CDH18: variants seen among roughly 807,000 people sequenced by gnomAD.
CDH18 encodes the protein cadherin-18.
CDH18 carries 31 observed loss-of-function variants against 67.9 expected under a neutral mutation model. The observed-to-expected ratio is 0.46, with a 90% CI of 0.34 to 0.62. CDH18 has a LOEUF of 0.62. Among genes scored for constraint, CDH18 ranks in the 20% least tolerant of loss-of-function variants. CDH18 has a pLI of 0.01. For missense variants in CDH18, 890 were observed against 975.5 expected, an observed-to-expected ratio of 0.91 and a Z score of 1.17; for synonymous variants, 362 against 347.2, an observed-to-expected ratio of 1.04 and a Z score of -0.48.
At chr5:20,256,194 C>G (rs1248156562) in intron 1 of CDH18, among the ~76,000 whole-genome samples, 1 of 151,780 alleles carries the variant, frequency 6.6e-6, no homozygotes, top group Non-Finnish European at 1.5e-5. Context: ...CAACATAATG[C>G]TCATTGGATC....
intron 1 of CDH18, among the ~76,000 whole-genome samples, chr5:20,460,168 G>A (rs1357833371): frequency 6.6e-6 from 1 of 152,058 alleles, no homozygotes; most frequent in Admixed American, 6.6e-5. Context: ...GCCGAGGTGG[G>A]TGGATCACGA....
chr5:20,242,736 C>T (rs1743086454), intron 2 of CDH18, among the ~76,000 whole-genome samples: 1 of 147,752 alleles, frequency 6.8e-6, no homozygotes, highest in African/African-American at 2.5e-5. Flanking sequence ...GTTGTGTTTG[C>T]TTTAAAACCA....
At chr5:19,483,153 T>G in intron 12 of CDH18, 148 bp downstream of exon 12, 1 of 655,104 alleles carries the variant, frequency 1.5e-6, no homozygotes, top group East Asian at 2.6e-5. Context: ...TTGAGATTAA[T>G]GACAGTATTG....
In CDH18 at chr5:19,698,834, T is replaced by C. The variant is rs1053242184; in HGVS notation, c.643+22513A>G. ...GATTACACCATTTAAACTTCAGGAA[T>C]GATCACCATCTCAGGTTTGATTCAA... On this transcript the variant is annotated intron_variant, in intron 5 of 12. Transcript: ENST00000382275. Among the ~76,000 whole-genome samples, 4 of 152,274 alleles carry C rather than the reference T, an allele frequency of 2.6e-5. No individual in the cohort carries two copies. In the South Asian group the frequency reaches 8.3e-4, roughly 32 times the overall value.
At chr5:20,399,247 T>G (rs1169427910) in intron 1 of CDH18, among the ~76,000 whole-genome samples, 1 of 152,128 alleles carries the variant, frequency 6.6e-6, no homozygotes, top group Non-Finnish European at 1.5e-5. Flanking sequence ...CTATCATTGT[T>G]TTTTCTAAAT....
chr5:19,748,112 C>CAAAAAAAAAAAAAAAAAAAAAAAAAAAA lies in CDH18; in HGVS notation c.229-877_229-876insTTTTTTTTTTTTTTTTTTTTTTTTTTTT. Reference sequence around the variant, plus strand: ...TGGGAGACAGAGCGAGACTCCATCTCAAAAAAAAAAAAAAAAAAAAAGAGT... The same window carrying CAAAAAAAAAAAAAAAAAAAAAAAAAAAA: ...TGGGAGACAGAGCGAGACTCCATCTCAAAAAAAAAAAAAAAAAAAAAAAAAAAAAAAAAAAAAAAAAAAAAAAAAGAGT... On this transcript the variant is annotated intron_variant, in intron 3 of 12. Coordinates refer to ENST00000382275, the MANE Select transcript of CDH18 (RefSeq NM_004934.5). 1.5e-3 allele frequency among the ~76,000 whole-genome samples: 22 copies of CAAAAAAAAAAAAAAAAAAAAAAAAAAAA among 14,858 alleles called. 6 individuals carry two copies. The highest frequency in any genetic ancestry group is 2.5e-3 in the African/African-American group (14 of 5,604). The allele number at this position is 14,858 out of a possible 152,430, so 9.7% of individuals were successfully genotyped here.
chr5:20,311,400 C>T (rs966681081), intron 1 of CDH18, among the ~76,000 whole-genome samples: 2 of 152,018 alleles, frequency 1.3e-5, no homozygotes, highest in Non-Finnish European at 2.9e-5. Flanking sequence ...CCAACCCAAA[C>T]GTCCATCAAT....
At chr5:20,356,753 C>CTA (rs35935150) in intron 1 of CDH18, among the ~76,000 whole-genome samples, 8,732 of 121,196 alleles carry the variant, frequency 0.072, 423 homozygotes, top group Middle Eastern at 0.096. Context: ...CTCTCTCTCT[C>CTA]TATATATATA....
chr5:20,123,254 G>A (rs960705630), intron 2 of CDH18, among the ~76,000 whole-genome samples: 14 of 152,152 alleles, frequency 9.2e-5, no homozygotes, highest in East Asian at 3.9e-4. Context: ...TAGACTATGC[G>A]CCTCTCAGAT....
At chr5:19,575,521 C>T (rs1475847339) in intron 7 of CDH18, among the ~76,000 whole-genome samples, 1 of 152,158 alleles carries the variant, frequency 6.6e-6, no homozygotes, top group Non-Finnish European at 1.5e-5. Flanking sequence ...ATTTGTCTAT[C>T]CCTCAACTAT....
chr5:20,249,267 T>C (rs1218285193), intron 2 of CDH18, among the ~76,000 whole-genome samples: 1 of 152,158 alleles, frequency 6.6e-6, no homozygotes, highest in Non-Finnish European at 1.5e-5. Flanking sequence ...TATAAACCTG[T>C]ATAAATTATG....
chr5:19,823,140 TTC>T (rs1475289772), intron 3 of CDH18, among the ~76,000 whole-genome samples: 1 of 152,216 alleles, frequency 6.6e-6, no homozygotes, highest in Non-Finnish European at 1.5e-5. Flanking sequence ...TGTTAACCTG[TTC>T]TTTTTTCAAG....
chr5:20,296,541 G>A (rs188671993), intron 1 of CDH18, among the ~76,000 whole-genome samples: 5 of 152,140 alleles, frequency 3.3e-5, no homozygotes, highest in Admixed American at 1.3e-4. Flanking sequence ...GATTACAGGC[G>A]TGAGCCACCG....
In CDH18 at chr5:20,569,348, C is replaced by T. The variant is rs199934135; in HGVS notation, c.-580+6114G>A. Among the ~76,000 whole-genome samples, 12 of 152,250 alleles carry T rather than the reference C, an allele frequency of 7.9e-5. No individual in the cohort carries two copies. In the East Asian group the frequency reaches 1.4e-3, roughly 17 times the overall value. ...CTTCAAATAAACATGCTCGGCCAGG[C>T]GCCATGGCTCACACCTGTAATCCCA... On this transcript the variant is annotated intron_variant, in intron 1 of 14. Transcript: ENST00000507958.
At chr5:19,812,606 A>G (rs999244980) in intron 3 of CDH18, among the ~76,000 whole-genome samples, 1 of 152,162 alleles carries the variant, frequency 6.6e-6, no homozygotes, top group African/African-American at 2.4e-5. Flanking sequence ...AACAACAAAC[A>G]AAACAAGAAA....
chr5:19,917,453 T>C (rs1354733769), intron 2 of CDH18, among the ~76,000 whole-genome samples: 1 of 152,098 alleles, frequency 6.6e-6, no homozygotes, highest in East Asian at 1.9e-4. Flanking sequence ...ACTAGGTATG[T>C]TAGTTTCCTG....
At chr5:20,546,021 C>T (rs943729117) in intron 1 of CDH18, among the ~76,000 whole-genome samples, 3 of 152,276 alleles carry the variant, frequency 2.0e-5, no homozygotes, top group African/African-American at 4.8e-5. Flanking sequence ...ATTTCTTCCA[C>T]TAGATACACT....
chr5:20,141,191 A>G (rs780005942), intron 2 of CDH18, among the ~76,000 whole-genome samples: 3 of 152,150 alleles, frequency 2.0e-5, no homozygotes, highest in Admixed American at 6.6e-5. Flanking sequence ...CCACCCATCT[A>G]CAAGTTGTTT....
chr5:20,312,564 C>T (rs534486402), intron 1 of CDH18, among the ~76,000 whole-genome samples: 1 of 152,098 alleles, frequency 6.6e-6, no homozygotes, highest in African/African-American at 2.4e-5. Context: ...ACTCCCAAAC[C>T]TACTGTGCCT....
Sources: gnomAD v4.1 joint callset for allele counts (sites outside exome capture counted in the v4.1 genomes callset) on GRCh38, gnomAD v4.1.1 for gene constraint, MANE v1.5 for transcripts, NCBI Gene and HGNC (gene_info 2026-07-23, HGNC 2026-07-21) for gene names.